PPARGC1A: variants seen among roughly 807,000 people sequenced by gnomAD.
PPARGC1A encodes peroxisome proliferator-activated receptor gamma coactivator 1-alpha.
Under a neutral mutation model 88.7 loss-of-function variants are expected in PPARGC1A, and 25 were observed. The observed-to-expected ratio is 0.28, with a 90% CI of 0.21 to 0.39. The LOEUF (loss-of-function observed/expected upper bound fraction) is 0.39. PPARGC1A is among the 10% of genes least tolerant of loss of function. The pLI is 1.00. For missense variants in PPARGC1A, 880 were observed against 968.7 expected (o/e 0.91, Z 1.22); for synonymous variants, 363 against 355.6 (o/e 1.02, Z -0.24).
the PPARGC1A span, among the ~76,000 whole-genome samples, chr4:24,281,607 T>C: frequency 6.6e-6 from 1 of 152,182 alleles, no homozygotes; most frequent in Non-Finnish European, 1.5e-5. Flanking sequence ...AACATGAGGT[T>C]TGAAGGGGAC....
At chr4:24,380,806 G>T in the PPARGC1A span, among the ~76,000 whole-genome samples, 3 of 152,106 alleles carry the variant, frequency 2.0e-5, no homozygotes, top group Non-Finnish European at 4.4e-5. Context: ...TAATTGACTG[G>T]ACAGTGGTGT....
the PPARGC1A span, among the ~76,000 whole-genome samples, chr4:24,106,178 T>C: frequency 6.6e-6 from 1 of 152,170 alleles, no homozygotes; most frequent in African/African-American, 2.4e-5. Context: ...TTTATTTTCT[T>C]CCAGATTTTG....
chr4:23,959,029 A>G, the PPARGC1A span, among the ~76,000 whole-genome samples: 1 of 152,096 alleles, frequency 6.6e-6, no homozygotes, highest in African/African-American at 2.4e-5. Flanking sequence ...AAAAAAAAAA[A>G]AAAAGAGCGA....
intron 7 of PPARGC1A, among the ~76,000 whole-genome samples, chr4:23,815,828 A>G (rs1721879141): frequency 6.6e-6 from 1 of 152,154 alleles, no homozygotes; most frequent in South Asian, 2.1e-4. Context: ...AAAGAACTTC[A>G]AGTCTGCTAA....
the PPARGC1A span, among the ~76,000 whole-genome samples, chr4:24,048,613 G>A: frequency 6.6e-6 from 1 of 152,178 alleles, no homozygotes; most frequent in African/African-American, 2.4e-5. Flanking sequence ...AGCCAGTCTT[G>A]CCAATATTGA....
chr4:24,296,016 A>ATG, the PPARGC1A span, among the ~76,000 whole-genome samples: 17 of 49,570 alleles, frequency 3.4e-4, no homozygotes, highest in African/African-American at 7.8e-4. Context: ...GTGTGTATAT[A>ATG]TATGTATATG....
chr4:24,155,420 G>A, the PPARGC1A span, among the ~76,000 whole-genome samples: 2 of 151,596 alleles, frequency 1.3e-5, no homozygotes, highest in African/African-American at 2.4e-5. Flanking sequence ...CCCAAGAGTT[G>A]GAGACCAGCC....
Position 23,813,670 on chromosome 4 carries a change from A to T in PPARGC1A, c.1793+20T>A. On this transcript the variant is annotated intron_variant, in intron 8 of 12. Transcript: ENST00000264867. ...TCTTAGGAACACCTTTTGTGTTATT[A>T]GGGTTTTGCCAAGGTTTACCTTGAA... is the stretch of plus-strand genomic sequence containing the variant. The T allele has an allele frequency of 6.7e-7, 1 of 1,498,310 alleles. No homozygotes were observed. The highest frequency in any genetic ancestry group is 9.0e-7 in the Non-Finnish European group (1 of 1,106,108). 92.8% of individuals were successfully genotyped at this position (1,498,310 alleles called of 1,614,324 possible). A position where few individuals can be genotyped will look rare whatever the true frequency, so the allele number is the denominator to read the frequency against.
chr4:24,033,140 G>C, the PPARGC1A span, among the ~76,000 whole-genome samples: 19 of 152,244 alleles, frequency 1.2e-4, no homozygotes, highest in African/African-American at 4.6e-4. Flanking sequence ...TCAGCGGTCA[G>C]ACTTCCTAGG....
chr4:24,041,078 G>A, the PPARGC1A span, among the ~76,000 whole-genome samples: 1 of 152,188 alleles, frequency 6.6e-6, no homozygotes, highest in Admixed American at 6.5e-5. Context: ...AAACATGCTA[G>A]CTAGGTTTCC....
At chr4:23,810,739 A>G (rs531849735) in intron 10 of PPARGC1A, among the ~76,000 whole-genome samples, 3 of 152,182 alleles carry the variant, frequency 2.0e-5, no homozygotes, top group Non-Finnish European at 2.9e-5. Context: ...TTTTTGGGGG[A>G]AAAATGAAGG....
chr4:23,960,207 T>A, the PPARGC1A span, among the ~76,000 whole-genome samples: 1 of 152,090 alleles, frequency 6.6e-6, no homozygotes, highest in African/African-American at 2.4e-5. Flanking sequence ...TGTCTCTAGA[T>A]CAGTAACAGT....
the PPARGC1A span, among the ~76,000 whole-genome samples, chr4:24,280,201 C>T: frequency 6.6e-6 from 1 of 152,220 alleles, no homozygotes; most frequent in Non-Finnish European, 1.5e-5. Flanking sequence ...ATACGGAGAA[C>T]TCACGGAACA....
At chr4:23,954,154 C>A in the PPARGC1A span, among the ~76,000 whole-genome samples, 1 of 151,774 alleles carries the variant, frequency 6.6e-6, no homozygotes, top group African/African-American at 2.4e-5. Context: ...AATAGTGTTT[C>A]TAGGATGAAA....
chr4:23,887,897 T>C (rs555207583), intron 1 of PPARGC1A, among the ~76,000 whole-genome samples: 2 of 152,156 alleles, frequency 1.3e-5, no homozygotes, highest in Non-Finnish European at 2.9e-5. Context: ...GTGGGGTGTA[T>C]GTCATGTGAA....
the PPARGC1A span, among the ~76,000 whole-genome samples, chr4:24,461,851 C>T: frequency 6.6e-6 from 1 of 152,140 alleles, no homozygotes; most frequent in Non-Finnish European, 1.5e-5. Context: ...TTTCTTAAAG[C>T]CCAGAACAAA....
At chr4:24,159,807 G>A in the PPARGC1A span, among the ~76,000 whole-genome samples, 8 of 152,086 alleles carry the variant, frequency 5.3e-5, no homozygotes, top group Admixed American at 4.6e-4. Flanking sequence ...GGCAAGCTTT[G>A]GCAGTCAGAA....
the PPARGC1A span, among the ~76,000 whole-genome samples, chr4:24,160,787 T>C: frequency 6.6e-6 from 1 of 152,214 alleles, no homozygotes; most frequent in Admixed American, 6.5e-5. Flanking sequence ...GCATCAGTGA[T>C]ATACTTTCCA....
At chr4:23,978,453 C>T in the PPARGC1A span, among the ~76,000 whole-genome samples, 13 of 152,294 alleles carry the variant, frequency 8.5e-5, no homozygotes, top group South Asian at 1.9e-3. Context: ...ATTAAGGCGT[C>T]GAGCCTCTGT....
Sources: gnomAD v4.1 joint callset for allele counts (sites outside exome capture counted in the v4.1 genomes callset) on GRCh38, gnomAD v4.1.1 for gene constraint, MANE v1.5 for transcripts, NCBI Gene and HGNC (gene_info 2026-07-23, HGNC 2026-07-21) for gene names.